The following OXR1 variants were observed in gnomAD, a reference collection of about 807,000 sequenced individuals.
OXR1 encodes oxidation resistance protein 1.
A neutral mutation model predicts 104.6 loss-of-function variants in OXR1; 41 were observed. The observed-to-expected ratio is 0.39, with a 90% CI of 0.31 to 0.51. The LOEUF is 0.51. Among genes scored for constraint, OXR1 ranks in the 20% least tolerant of loss-of-function variants. The pLI, the probability that OXR1 is intolerant of heterozygous loss-of-function variation, is 0.77. For missense variants in OXR1, 955 were observed against 1,031.9 expected, an observed-to-expected ratio of 0.93 and a Z score of 1.02; for synonymous variants, 348 against 348.4, an observed-to-expected ratio of 1.00 and a Z score of 0.01.
At chr8:106,332,663 A>G (rs919895282) in intron 1 of OXR1, among the ~76,000 whole-genome samples, 1 of 152,194 alleles carries the variant, frequency 6.6e-6, no homozygotes, top group African/African-American at 2.4e-5. Context: ...ACAACTTTAT[A>G]CAACTTAGTG....
intron 2 of OXR1, among the ~76,000 whole-genome samples, chr8:106,515,963 A>G (rs1220702947): frequency 6.6e-6 from 1 of 152,064 alleles, no homozygotes; most frequent in African/African-American, 2.4e-5. Flanking sequence ...CCATGTGATG[A>G]CTGCTTTGCT....
intron 3 of OXR1, among the ~76,000 whole-genome samples, chr8:106,586,719 G>C (rs1447535577): frequency 6.6e-6 from 1 of 152,152 alleles, no homozygotes; most frequent in East Asian, 1.9e-4. Flanking sequence ...AAGAGACTGA[G>C]AAGGAGCAGC....
At chr8:106,686,041 C>T (rs995916974) in intron 6 of OXR1, among the ~76,000 whole-genome samples, 1 of 152,092 alleles carries the variant, frequency 6.6e-6, no homozygotes, top group African/African-American at 2.4e-5. Context: ...AACTAAACAT[C>T]GCACGTACTC....
chr8:106,685,696 T>TA (rs61159962), intron 6 of OXR1, among the ~76,000 whole-genome samples: 3,829 of 135,900 alleles, frequency 0.028, 68 homozygotes, highest in Admixed American at 0.06. Context: ...TGGGATAGAT[T>TA]AAAAAAAAAA....
At chr8:106,550,088 G>T (rs980224889) in intron 3 of OXR1, among the ~76,000 whole-genome samples, 2 of 152,124 alleles carry the variant, frequency 1.3e-5, no homozygotes, top group Non-Finnish European at 2.9e-5. Flanking sequence ...TGAGAAAAAC[G>T]TGGCTTGAAG....
chr8:106,457,099 C>T lies in OXR1; in HGVS notation c.24-61844C>T, dbSNP rs377122343. Among the ~76,000 whole-genome samples, 10 of 152,246 alleles carry T rather than the reference C, an allele frequency of 6.6e-5. No individual in the cohort carries two copies. The East Asian group carries it at 1.4e-3, about 21-fold the overall frequency. On this transcript the variant is annotated intron_variant, in intron 2 of 16. Coordinates refer to ENST00000517566, the MANE Select transcript of OXR1 (RefSeq NM_001198533.2). ...ATTAAAGACATTTGATAAATACCTC[C>T]AATGTGCCAGTCAGTGTGCCAATCA...
chr8:106,514,557 A>G lies in OXR1; in HGVS notation c.24-4386A>G, dbSNP rs1812742101. On this transcript the variant is annotated intron_variant, in intron 2 of 16. Coordinates refer to ENST00000517566, the MANE Select transcript of OXR1 (RefSeq NM_001198533.2). ...AAAGAAGAAGGGGAATAATAGTGTC[A>G]TTTTCTGTTTGTCTTTGGCCATCTG... is the stretch of plus-strand genomic sequence containing the variant. Among the ~76,000 whole-genome samples the G allele has an allele frequency of 1.3e-5, 2 of 151,960 alleles. 1 individual carries two copies. Among genetic ancestry groups the G allele is most frequent in the Admixed American group, 1.3e-4 (2 of 15,238 alleles).
chr8:106,436,060 ATCATC>A (rs1819553038), intron 2 of OXR1, among the ~76,000 whole-genome samples: 1 of 152,168 alleles, frequency 6.6e-6, no homozygotes, highest in Non-Finnish European at 1.5e-5. Flanking sequence ...ATTTAAAATA[ATCATC>A]TCTTTTAGTC....
chr8:106,424,379 A>G (rs745430304), intron 2 of OXR1, among the ~76,000 whole-genome samples: 5 of 152,204 alleles, frequency 3.3e-5, no homozygotes, highest in Non-Finnish European at 7.3e-5. Context: ...AAATGGGTTC[A>G]GATTATCATC....
At chr8:106,371,127 T>G (rs1816688725) in intron 2 of OXR1, among the ~76,000 whole-genome samples, 1 of 152,172 alleles carries the variant, frequency 6.6e-6, no homozygotes, top group Admixed American at 6.5e-5. Context: ...GGTTTAGTCT[T>G]GGTAGCATGT....
chr8:106,316,753 T>C (rs917766980), intron 1 of OXR1, among the ~76,000 whole-genome samples: 1 of 151,896 alleles, frequency 6.6e-6, no homozygotes, highest in African/African-American at 2.4e-5. Context: ...TCTATCTATC[T>C]ATCTATCTAT....
chr8:106,591,456 AG>A (rs1381975999), intron 3 of OXR1, among the ~76,000 whole-genome samples: 5 of 151,502 alleles, frequency 3.3e-5, no homozygotes, highest in African/African-American at 1.2e-4. Context: ...AAAAAAAAAA[AG>A]AACTAAGTAG....
intron 1 of OXR1, among the ~76,000 whole-genome samples, chr8:106,338,936 G>A (rs879512844): frequency 5.3e-5 from 8 of 152,018 alleles, no homozygotes; most frequent in East Asian, 1.9e-4. Context: ...ATAGGACTGC[G>A]AATACTCCCT....
intron 1 of OXR1, among the ~76,000 whole-genome samples, chr8:106,325,568 A>G (rs1443032751): frequency 1.3e-5 from 2 of 152,138 alleles, no homozygotes; most frequent in Non-Finnish European, 2.9e-5. Flanking sequence ...CTGCATGAGA[A>G]CACACATTGT....
At chr8:106,286,892 A>G (rs1812525082) in intron 1 of OXR1, among the ~76,000 whole-genome samples, 1 of 152,216 alleles carries the variant, frequency 6.6e-6, no homozygotes, top group Admixed American at 6.5e-5. Flanking sequence ...AAGACAAATT[A>G]TCTTGTCAAT....
chr8:106,524,761 A>G (rs1394275785), intron 3 of OXR1, among the ~76,000 whole-genome samples: 3 of 152,168 alleles, frequency 2.0e-5, no homozygotes, highest in Non-Finnish European at 4.4e-5. Context: ...AATGCCATAG[A>G]GATGGGAGAG....
At chr8:106,424,371 A>T (rs1405210217) in intron 2 of OXR1, among the ~76,000 whole-genome samples, 1 of 152,190 alleles carries the variant, frequency 6.6e-6, no homozygotes, top group Non-Finnish European at 1.5e-5. Flanking sequence ...GTAAATTCAA[A>T]TGGGTTCAGA....
At chr8:106,736,409 G>A (rs973258872) in intron 11 of OXR1, among the ~76,000 whole-genome samples, 3 of 151,990 alleles carry the variant, frequency 2.0e-5, no homozygotes, top group African/African-American at 7.3e-5. Flanking sequence ...CCTTTTAGTT[G>A]GCTAAATAAA....
chr8:106,698,127 C>T (rs1216504132), intron 7 of OXR1: 3 of 644,930 alleles, frequency 4.7e-6, no homozygotes, highest in South Asian at 3.9e-5. Context: ...ATTTTCTACC[C>T]AGATATCCTC....
Sources: allele counts gnomAD v4.1 joint callset (sites outside exome capture counted in the v4.1 genomes callset), GRCh38; gene constraint gnomAD v4.1.1; transcripts MANE v1.5; gene names NCBI Gene and HGNC (gene_info 2026-07-23, HGNC 2026-07-21).